Variants in GRM8 observed in about 807,000 individuals in gnomAD.
GRM8 encodes glutamate metabotropic receptor 8.
GRM8 carries 47 observed loss-of-function variants against 87.2 expected under a neutral mutation model. The ratio of observed to expected loss-of-function variants is 0.54; its 90% confidence interval spans 0.43 to 0.69. The LOEUF (loss-of-function observed/expected upper bound fraction) is 0.69. Ranked by LOEUF, GRM8 falls within the 30% of genes least tolerant of loss-of-function variation. The pLI is 0.00. For synonymous variants in GRM8, 396 were observed against 404.5 expected (o/e 0.98, Z 0.25); for missense variants, 1,019 against 1,139.2 (o/e 0.89, Z 1.52).
intron 3 of GRM8, among the ~76,000 whole-genome samples, chr7:127,043,361 T>A (rs962180046): frequency 3.3e-5 from 5 of 152,166 alleles, no homozygotes; most frequent in African/African-American, 9.7e-5. Context: ...ACTTGGAACC[T>A]AGCCAAATGT....
chr7:126,707,220 C>G (rs1585605841), intron 7 of GRM8, among the ~76,000 whole-genome samples: 1 of 152,200 alleles, frequency 6.6e-6, no homozygotes, highest in East Asian at 1.9e-4. Context: ...AGGAACCTAC[C>G]ATGGCTCACC....
intron 3 of GRM8, among the ~76,000 whole-genome samples, chr7:127,015,163 G>T (rs1376403426): frequency 5.9e-5 from 3 of 50,960 alleles, no homozygotes; most frequent in Admixed American, 1.8e-4. Flanking sequence ...AGAAGGAGAA[G>T]GAGAAGGAGA....
At chr7:126,652,882 T>G (rs1254576484) in intron 7 of GRM8, among the ~76,000 whole-genome samples, 1 of 152,138 alleles carries the variant, frequency 6.6e-6, no homozygotes, top group Non-Finnish European at 1.5e-5. Flanking sequence ...TAAGGCTAAC[T>G]CTATATGTCT....
intron 7 of GRM8, among the ~76,000 whole-genome samples, chr7:126,610,849 T>C (rs1316129022): frequency 6.6e-6 from 1 of 152,220 alleles, no homozygotes. Context: ...CTGATGAGAC[T>C]ACAGACATCT....
intron 7 of GRM8, among the ~76,000 whole-genome samples, chr7:126,631,828 T>G (rs1342869405): frequency 2.0e-5 from 3 of 152,198 alleles, no homozygotes; most frequent in Non-Finnish European, 4.4e-5. Flanking sequence ...TGGCTAGCCA[T>G]ATGCAGAAAA....
intron 3 of GRM8, among the ~76,000 whole-genome samples, chr7:127,053,259 G>A (rs1380963325): frequency 6.6e-6 from 1 of 152,130 alleles, no homozygotes; most frequent in Non-Finnish European, 1.5e-5. Context: ...CTATGATATA[G>A]ACAAAATGGA....
intron 8 of GRM8, among the ~76,000 whole-genome samples, chr7:126,579,681 C>T (rs575621836): frequency 1.3e-5 from 2 of 152,234 alleles, no homozygotes; most frequent in East Asian, 1.9e-4. Flanking sequence ...TTCTAGATCG[C>T]ACCAGGAGTG....
chr7:126,905,559 C>A (rs1415940314), intron 3 of GRM8, among the ~76,000 whole-genome samples: 1 of 152,000 alleles, frequency 6.6e-6, no homozygotes, highest in Non-Finnish European at 1.5e-5. Flanking sequence ...ATTAAATCAC[C>A]ATTTATAGCA....
chr7:126,619,985 C>T (rs1164282929), intron 7 of GRM8, among the ~76,000 whole-genome samples: 1 of 151,956 alleles, frequency 6.6e-6, no homozygotes, highest in African/African-American at 2.4e-5. Flanking sequence ...ATAAATGTGC[C>T]CAGCCAAAAG....
At chr7:127,153,512 A>G (rs1792533863) in intron 2 of GRM8, among the ~76,000 whole-genome samples, 1 of 152,132 alleles carries the variant, frequency 6.6e-6, no homozygotes, top group Non-Finnish European at 1.5e-5. Flanking sequence ...GTGAAGTAGT[A>G]GAAAGTCATT....
chr7:126,684,860 C>T (rs1010232130), intron 7 of GRM8, among the ~76,000 whole-genome samples: 18 of 152,204 alleles, frequency 1.2e-4, no homozygotes, highest in Admixed American at 1.3e-4. Context: ...TCATGTCATC[C>T]TTCATTACCT....
intron 9 of GRM8, among the ~76,000 whole-genome samples, chr7:126,460,327 T>G (rs1282282958): frequency 1.3e-5 from 2 of 151,624 alleles, no homozygotes; most frequent in African/African-American, 4.8e-5. Flanking sequence ...TGCTACAGTG[T>G]GTACTGATTA....
At chr7:127,226,664 C>T (rs912165455) in intron 2 of GRM8, among the ~76,000 whole-genome samples, 1 of 152,188 alleles carries the variant, frequency 6.6e-6, no homozygotes, top group South Asian at 2.1e-4. Context: ...TTCAATATAA[C>T]GTTAAATTTG....
intron 8 of GRM8, among the ~76,000 whole-genome samples, chr7:126,595,464 G>T (rs147982812): frequency 6.7e-6 from 1 of 149,842 alleles, no homozygotes; most frequent in Admixed American, 6.7e-5. Flanking sequence ...ATGGGGTTTT[G>T]TCATGTTGCC....
intron 6 of GRM8, chr7:126,870,042 C>G (rs1395576435): frequency 6.7e-6 from 1 of 149,060 alleles, no homozygotes; most frequent in Non-Finnish European, 1.5e-5. Context: ...GCTAGGTCTT[C>G]TGGAAAACTT....
chr7:127,232,621 G>A (rs571712468), intron 2 of GRM8, among the ~76,000 whole-genome samples: 1 of 152,274 alleles, frequency 6.6e-6, no homozygotes, highest in East Asian at 1.9e-4. Context: ...AATAGGGCAA[G>A]TCAGTCTGAA....
intron 3 of GRM8, among the ~76,000 whole-genome samples, chr7:127,067,986 G>T (rs973924152): frequency 1.3e-5 from 2 of 152,130 alleles, no homozygotes; most frequent in African/African-American, 4.8e-5. Context: ...TTAGGTAACT[G>T]TGCCAAATCC....
At chr7:126,595,254 A>C (rs1797050056) in intron 8 of GRM8, among the ~76,000 whole-genome samples, 1 of 151,682 alleles carries the variant, frequency 6.6e-6, no homozygotes, top group South Asian at 2.1e-4. Context: ...GTTTTTGAGA[A>C]AGGATCTCAC....
chr7:126,776,893 T>C (rs906827674), intron 6 of GRM8, among the ~76,000 whole-genome samples: 1 of 152,190 alleles, frequency 6.6e-6, no homozygotes, highest in Non-Finnish European at 1.5e-5. Flanking sequence ...TTCCTCCTTA[T>C]ACTTTCTAAG....
Sources: gnomAD v4.1 joint callset for allele counts (sites outside exome capture counted in the v4.1 genomes callset) on GRCh38, gnomAD v4.1.1 for gene constraint, MANE v1.5 for transcripts, NCBI Gene and HGNC (gene_info 2026-07-23, HGNC 2026-07-21) for gene names.